The following POLA1 variants were observed in gnomAD, a reference collection of about 807,000 sequenced individuals.
POLA1 encodes DNA polymerase alpha catalytic subunit.
In POLA1, 15 loss-of-function variants were observed where a neutral mutation model predicts 124.0. That is an observed-to-expected ratio of 0.12 (90% CI 0.08 to 0.19). The LOEUF (loss-of-function observed/expected upper bound fraction) is 0.19, where lower values mean the gene tolerates loss of function less well. POLA1 is among the 10% of genes least tolerant of loss of function. POLA1 has a pLI of 1.00. For missense variants in POLA1, 886 were observed against 1,103.4 expected, an observed-to-expected ratio of 0.80 and a Z score of 2.79; for synonymous variants, 408 against 389.4, an observed-to-expected ratio of 1.05 and a Z score of -0.56.
intron 26 of POLA1, among the ~76,000 whole-genome samples, chrX:24,764,909 T>TC (rs763546858): frequency 3.6e-5 from 4 of 110,866 alleles, no homozygotes; most frequent in South Asian, 3.9e-4. Context: ...TCTACTCTTG[T>TC]CCCCCCCAAT....
At chrX:24,766,679 T>C (rs1486081434) in intron 26 of POLA1, among the ~76,000 whole-genome samples, 1 of 111,985 alleles carries the variant, frequency 8.9e-6, no homozygotes. Context: ...GTTTTGGTTA[T>C]TGAAGGAGCT....
chrX:24,897,624 C>T (rs1319424851), intron 35 of POLA1, among the ~76,000 whole-genome samples: 1 of 112,137 alleles, frequency 8.9e-6, no homozygotes, highest in Non-Finnish European at 1.9e-5. Context: ...TCTTTCTCCC[C>T]AGAGACCACA....
intron 36 of POLA1, among the ~76,000 whole-genome samples, chrX:24,969,982 C>A (rs955385719): frequency 8.9e-6 from 1 of 112,472 alleles, no homozygotes; most frequent in Non-Finnish European, 1.9e-5. Flanking sequence ...CATCCATGTG[C>A]CTAGAAAGGA....
At chrX:24,722,042 C>T (rs776899827) in intron 10 of POLA1, among the ~76,000 whole-genome samples, 2 of 111,282 alleles carry the variant, frequency 1.8e-5, no homozygotes, top group East Asian at 5.6e-4. Context: ...GAATTTTAAT[C>T]ATCTGCAGAA....
At chrX:24,824,682 C>T (rs1013857060) in intron 31 of POLA1, among the ~76,000 whole-genome samples, 5 of 109,259 alleles carry the variant, frequency 4.6e-5, no homozygotes, top group Non-Finnish European at 9.6e-5. Context: ...CTAACCAAGT[C>T]TTTTGAATTT....
At chrX:24,823,969 T>C (rs751393313) in intron 31 of POLA1, among the ~76,000 whole-genome samples, 5 of 112,599 alleles carry the variant, frequency 4.4e-5, no homozygotes, top group Non-Finnish European at 9.4e-5. Flanking sequence ...AGGTTTTAAA[T>C]CCATAACTAT....
intron 32 of POLA1, among the ~76,000 whole-genome samples, chrX:24,832,967 A>G (rs774181288): frequency 9.0e-6 from 1 of 111,618 alleles, no homozygotes; most frequent in South Asian, 3.8e-4. Flanking sequence ...GTTATTACAT[A>G]AATAAGTTCT....
chrX:24,922,469 C>T (rs2147200566), intron 35 of POLA1, among the ~76,000 whole-genome samples: 1 of 111,494 alleles, frequency 9.0e-6, no homozygotes, highest in East Asian at 2.8e-4. Flanking sequence ...TCTATTTTAA[C>T]TTTGTTTTTT....
At chrX:24,732,518 A>G in intron 16 of POLA1, 64 bp downstream of exon 16, 1 of 676,656 alleles carries the variant, frequency 1.5e-6, no homozygotes, top group Non-Finnish European at 2.4e-6. Context: ...TTTTTTCTCC[A>G]GCTATTGGAT....
At chrX:24,811,020 G>A (rs1299255767) in intron 28 of POLA1, among the ~76,000 whole-genome samples, 1 of 111,405 alleles carries the variant, frequency 9.0e-6, no homozygotes, top group Non-Finnish European at 1.9e-5. Flanking sequence ...TGCGATCAGG[G>A]CTTGCTGAAG....
At chrX:24,850,273 C>T (rs1283548869) in intron 34 of POLA1, among the ~76,000 whole-genome samples, 1 of 112,295 alleles carries the variant, frequency 8.9e-6, no homozygotes, top group Non-Finnish European at 1.9e-5. Context: ...GGAATAGAAT[C>T]TCATTGTAAG....
chrX:24,809,676 A>G (rs1353384866), intron 26 of POLA1, among the ~76,000 whole-genome samples: 1 of 111,135 alleles, frequency 9.0e-6, no homozygotes, highest in African/African-American at 3.3e-5. Flanking sequence ...AAACATATAT[A>G]TGTATATATA....
At chrX:24,704,585 T>A in intron 4 of POLA1, 116 bp downstream of exon 4, 1 of 500,022 alleles carries the variant, frequency 2.0e-6, no homozygotes, top group South Asian at 3.4e-5. Flanking sequence ...ACTACCATTG[T>A]TTTTAGATAC....
chrX:24,797,977 G>T (rs1308789908), intron 26 of POLA1, among the ~76,000 whole-genome samples: 2 of 110,304 alleles, frequency 1.8e-5, no homozygotes, highest in Non-Finnish European at 3.8e-5. Flanking sequence ...TAGCCCAGGA[G>T]GTCAAGGCTG....
rs753890301 is a variant in POLA1 at position 24,881,638 on chromosome X, C to T, written c.4048-6368C>T. Among the ~76,000 whole-genome samples, 15 of 111,272 alleles carry T rather than the reference C, an allele frequency of 1.3e-4. No homozygotes were observed. The East Asian group carries it at 1.7e-3, about 12-fold the overall frequency. ...CAAAACAAATTGTTCCCCAGGGGACCGACCATCCATGTAGGTAGGCAAAAC... is the reference window on the plus strand; with the variant it reads ...CAAAACAAATTGTTCCCCAGGGGACTGACCATCCATGTAGGTAGGCAAAAC... On this transcript the variant is annotated intron_variant, in intron 34 of 36. Coordinates refer to ENST00000379068, the MANE Select transcript of POLA1 (RefSeq NM_001330360.2).
At chrX:24,743,357 TCCCAG>T (rs1026221702) in intron 23 of POLA1, 28 bp downstream of exon 23, 1 of 780,703 alleles carries the variant, frequency 1.3e-6, no homozygotes, top group African/African-American at 2.1e-5. Context: ...ATTGGTTTTC[TCCCAG>T]TATTAAGGAA....
intron 35 of POLA1, among the ~76,000 whole-genome samples, chrX:24,897,219 G>A (rs143023441): frequency 0.018 from 1,986 of 111,748 alleles, 46 homozygotes; most frequent in African/African-American, 0.062. Context: ...TTCCTCATTT[G>A]TAAAATAGAA....
chrX:24,849,512 C>T (rs1322493916), intron 34 of POLA1, among the ~76,000 whole-genome samples: 12 of 111,437 alleles, frequency 1.1e-4, no homozygotes, highest in Non-Finnish European at 1.9e-4. Flanking sequence ...TTCTGTCACC[C>T]AGGGTGGTGT....
intron 28 of POLA1, among the ~76,000 whole-genome samples, chrX:24,811,278 T>C (rs978421456): frequency 2.8e-5 from 3 of 107,919 alleles, no homozygotes; most frequent in Admixed American, 9.9e-5. Flanking sequence ...TGTTTTGTTT[T>C]GTTTGTTTGT....
Sources: gnomAD v4.1 joint callset for allele counts (sites outside exome capture counted in the v4.1 genomes callset) on GRCh38, gnomAD v4.1.1 for gene constraint, MANE v1.5 for transcripts, NCBI Gene and HGNC (gene_info 2026-07-23, HGNC 2026-07-21) for gene names.